The following JAM3 variants were observed in gnomAD, a reference collection of about 807,000 sequenced individuals.
JAM3 encodes the protein junctional adhesion molecule 3, also known as junctional adhesion molecule C.
A neutral mutation model predicts 39.4 loss-of-function variants in JAM3; 31 were observed. The observed-to-expected ratio is 0.79, with a 90% CI of 0.59 to 1.06. The LOEUF (loss-of-function observed/expected upper bound fraction) is 1.06, where lower values mean the gene tolerates loss of function less well. JAM3 is among the 50% of genes least tolerant of loss of function. The pLI, the probability that JAM3 is intolerant of heterozygous loss-of-function variation, is 0.00. For missense variants in JAM3, 455 were observed against 391.4 expected (o/e 1.16, Z -1.37); for synonymous variants, 182 against 148.7 (o/e 1.22, Z -1.63).
intron 1 of JAM3, among the ~76,000 whole-genome samples, chr11:134,096,893 C>T (rs1941994597): frequency 6.6e-6 from 1 of 152,142 alleles, no homozygotes; most frequent in Non-Finnish European, 1.5e-5. Context: ...TCTAGCAAAT[C>T]TAGTATCTTT....
intron 1 of JAM3, among the ~76,000 whole-genome samples, chr11:134,122,532 C>A (rs1346073341): frequency 6.6e-6 from 1 of 152,202 alleles, no homozygotes; most frequent in African/African-American, 2.4e-5. Context: ...GCAACACAGT[C>A]CCTGCGCTAC....
chr11:134,145,039 G>T, intron 5 of JAM3, 45 bp downstream of exon 5: 1 of 1,424,006 alleles, frequency 7.0e-7, no homozygotes, highest in Non-Finnish European at 9.9e-7. Flanking sequence ...TCTTTGTTGG[G>T]GCAAGAGATG....
At chr11:134,107,411 A>T (rs1055163008) in intron 1 of JAM3, among the ~76,000 whole-genome samples, 1 of 152,130 alleles carries the variant, frequency 6.6e-6, no homozygotes, top group Non-Finnish European at 1.5e-5. Flanking sequence ...CAGCACACCA[A>T]CATGGCACAT....
chr11:134,103,688 AC>A (rs1212985684), intron 1 of JAM3, among the ~76,000 whole-genome samples: 1 of 152,182 alleles, frequency 6.6e-6, no homozygotes, highest in African/African-American at 2.4e-5. Flanking sequence ...CAAGTGGAAA[AC>A]AAAAAAAAGG....
intron 1 of JAM3, among the ~76,000 whole-genome samples, chr11:134,098,405 A>G (rs1168947555): frequency 6.6e-6 from 1 of 152,232 alleles, no homozygotes; most frequent in Non-Finnish European, 1.5e-5. Flanking sequence ...AATGTACCTC[A>G]TTAGAAAGTT....
chr11:134,121,821 GCACACACACACA>G (rs1555117431), intron 1 of JAM3, among the ~76,000 whole-genome samples: 1 of 148,422 alleles, frequency 6.7e-6, no homozygotes, highest in Non-Finnish European at 1.5e-5. Context: ...GCATGTGTGC[GCACACACACACA>G]CACACACACA....
intron 4 of JAM3, 151 bp from the exon 5 acceptor site, chr11:134,144,641 C>T (rs1943037047): frequency 6.0e-6 from 5 of 837,370 alleles, no homozygotes; most frequent in South Asian, 1.4e-5. Context: ...GCAGCGGTGG[C>T]TTGTCAGTCT....
At chr11:134,105,982 G>C (rs973102727) in intron 1 of JAM3, among the ~76,000 whole-genome samples, 2 of 152,136 alleles carry the variant, frequency 1.3e-5, no homozygotes, top group African/African-American at 2.4e-5. Context: ...TTTCTTCACA[G>C]AATTGGAAAA....
chr11:134,078,071 GCCTA>G (rs2120581666), intron 1 of JAM3, among the ~76,000 whole-genome samples: 1 of 152,138 alleles, frequency 6.6e-6, no homozygotes, highest in Non-Finnish European at 1.5e-5. Context: ...CTTTCCTCTT[GCCTA>G]CCTTTCTGCT....
At chr11:134,075,862 G>C (rs755752077) in intron 1 of JAM3, among the ~76,000 whole-genome samples, 2 of 151,990 alleles carry the variant, frequency 1.3e-5, no homozygotes, top group Non-Finnish European at 2.9e-5. Flanking sequence ...TTTTCTTTCT[G>C]TGACTGCAAT....
chr11:134,148,009 C>T (rs1341270227), intron 6 of JAM3: 1 of 179,168 alleles, frequency 5.6e-6, no homozygotes, highest in Non-Finnish European at 1.2e-5. Context: ...AGGGGGTTTC[C>T]TCTCAGAGGG....
At chr11:134,116,172 A>T (rs1402359387) in intron 1 of JAM3, among the ~76,000 whole-genome samples, 1 of 152,196 alleles carries the variant, frequency 6.6e-6, no homozygotes, top group Non-Finnish European at 1.5e-5. Context: ...TTGTGGATGT[A>T]TGCTAAAATT....
intron 1 of JAM3, among the ~76,000 whole-genome samples, chr11:134,123,111 G>C (rs937582356): frequency 6.6e-6 from 1 of 152,158 alleles, no homozygotes; most frequent in African/African-American, 2.4e-5. Context: ...ATTAGATAGG[G>C]TTTTGAGGAA....
At chr11:134,075,379 A>C (rs948184890) in intron 1 of JAM3, among the ~76,000 whole-genome samples, 32 of 152,328 alleles carry the variant, frequency 2.1e-4, no homozygotes, top group Non-Finnish European at 1.8e-4. Context: ...GGGCAAAGGC[A>C]TGGACTTGGG....
intron 1 of JAM3, among the ~76,000 whole-genome samples, chr11:134,101,768 A>T (rs1372785381): frequency 1.3e-5 from 2 of 152,084 alleles, no homozygotes; most frequent in African/African-American, 2.4e-5. Context: ...AGGAATTTAT[A>T]AGTCCTTTAT....
chr11:134,072,430 C>G (rs1269302612), intron 1 of JAM3, among the ~76,000 whole-genome samples: 1 of 151,912 alleles, frequency 6.6e-6, no homozygotes, highest in Non-Finnish European at 1.5e-5. Context: ...CCTCAGCCTC[C>G]CGAGTAGCTG....
Position 134,138,187 on chromosome 11 carries a change from G to A in JAM3, c.77-1664G>A, listed in dbSNP as rs551553618. Among the ~76,000 whole-genome samples, 66 of 124,478 alleles carry A rather than the reference G, an allele frequency of 5.3e-4. 3 individuals carry two copies. Among genetic ancestry groups the A allele is most frequent in the African/African-American group, 2.2e-3 (60 of 27,552 alleles). 81.7% of individuals were successfully genotyped at this position (124,478 alleles called of 152,430 possible). On this transcript the variant is annotated intron_variant, in intron 1 of 8. Transcript: ENST00000299106. ...CCAGTGGTGGCGTCTCGTCGAAGTCGTGGTGCTCATACTGAGAGAAATGTT... is the reference window on the plus strand; with the variant it reads ...CCAGTGGTGGCGTCTCGTCGAAGTCATGGTGCTCATACTGAGAGAAATGTT...
At chr11:134,116,898 C>G (rs572261272) in intron 1 of JAM3, among the ~76,000 whole-genome samples, 1 of 152,066 alleles carries the variant, frequency 6.6e-6, no homozygotes. Context: ...CTAGCATTTT[C>G]CCCTTGCATA....
chr11:134,117,693 T>A (rs2062262263), intron 1 of JAM3, among the ~76,000 whole-genome samples: 2 of 152,192 alleles, frequency 1.3e-5, no homozygotes, highest in African/African-American at 4.8e-5. Context: ...GATATGACAG[T>A]GGAGTGAAAC....
Sources: gnomAD v4.1 joint callset for allele counts (sites outside exome capture counted in the v4.1 genomes callset) on GRCh38, gnomAD v4.1.1 for gene constraint, MANE v1.5 for transcripts, NCBI Gene and HGNC (gene_info 2026-07-23, HGNC 2026-07-21) for gene names.